The following DPYD variants were observed in gnomAD, a reference collection of about 807,000 sequenced individuals.
The protein encoded by DPYD is dihydropyrimidine dehydrogenase [NADP(+)].
Under a neutral mutation model 116.2 loss-of-function variants are expected in DPYD, and 109 were observed. That is an observed-to-expected ratio of 0.94 (90% CI 0.80 to 1.10). DPYD has a LOEUF of 1.10. DPYD is among the 50% of genes least tolerant of loss of function. The probability of loss-of-function intolerance (pLI) is 0.00; values close to 1 mark genes in which losing one functional copy is unlikely to be tolerated. For synonymous variants in DPYD, 440 were observed against 432.0 expected, an observed-to-expected ratio of 1.02 and a Z score of -0.23; for missense variants, 1,302 against 1,254.5, an observed-to-expected ratio of 1.04 and a Z score of -0.57.
At chr1:97,226,731 A>G (rs1661193683) in intron 19 of DPYD, among the ~76,000 whole-genome samples, 1 of 152,174 alleles carries the variant, frequency 6.6e-6, no homozygotes, top group South Asian at 2.1e-4. Flanking sequence ...AAGAAAGCAC[A>G]AGTAAGTGAT....
chr1:97,244,035 T>C (rs1365533078), intron 18 of DPYD, among the ~76,000 whole-genome samples: 1 of 151,994 alleles, frequency 6.6e-6, no homozygotes, highest in Non-Finnish European at 1.5e-5. Context: ...ACTCAAAAGA[T>C]GGCATGAAGA....
intron 16 of DPYD, among the ~76,000 whole-genome samples, chr1:97,361,690 T>C (rs6691565): frequency 0.34 from 51,392 of 152,016 alleles, 9,091 homozygotes; most frequent in East Asian, 0.55. Context: ...ATAAAGAGAA[T>C]CAATGACAAA....
intron 3 of DPYD, among the ~76,000 whole-genome samples, chr1:97,816,292 AAAAAG>A (rs1328410736): frequency 6.6e-6 from 1 of 152,070 alleles, no homozygotes. Flanking sequence ...AAGAGAAAAA[AAAAAG>A]AAAATACAAA....
At chr1:97,353,727 A>C (rs1670269429) in intron 16 of DPYD, among the ~76,000 whole-genome samples, 1 of 150,638 alleles carries the variant, frequency 6.6e-6, no homozygotes, top group African/African-American at 2.4e-5. Flanking sequence ...CATACAAATC[A>C]TTTTCAGCAA....
intron 13 of DPYD, among the ~76,000 whole-genome samples, chr1:97,472,877 C>A (rs1198743904): frequency 6.6e-6 from 1 of 152,104 alleles, no homozygotes; most frequent in Non-Finnish European, 1.5e-5. Flanking sequence ...TTAAGATATG[C>A]AATGTGATGA....
intron 8 of DPYD, among the ~76,000 whole-genome samples, chr1:97,604,848 A>C (rs1655483954): frequency 6.6e-6 from 1 of 152,064 alleles, no homozygotes; most frequent in African/African-American, 2.4e-5. Context: ...TCATCTAGAA[A>C]TGGAGTTCTG....
intron 14 of DPYD, among the ~76,000 whole-genome samples, chr1:97,429,963 C>T (rs1346737832): frequency 1.3e-5 from 2 of 152,052 alleles, no homozygotes; most frequent in South Asian, 2.1e-4. Context: ...AAACTGAACA[C>T]TAGTTTGCAC....
intron 1 of DPYD, among the ~76,000 whole-genome samples, chr1:97,920,653 C>G (rs75520413): frequency 2.0e-5 from 3 of 152,182 alleles, no homozygotes; most frequent in Non-Finnish European, 4.4e-5. Flanking sequence ...CAGGTCCCGA[C>G]GCAAAGGGCA....
At chr1:97,151,133 G>A (rs761996033) in intron 20 of DPYD, among the ~76,000 whole-genome samples, 1 of 152,084 alleles carries the variant, frequency 6.6e-6, no homozygotes. Context: ...TTACCTTCTC[G>A]TAACATTCTT....
At chr1:97,336,883 G>A (rs990768688) in intron 16 of DPYD, among the ~76,000 whole-genome samples, 2 of 152,106 alleles carry the variant, frequency 1.3e-5, no homozygotes, top group Non-Finnish European at 2.9e-5. Flanking sequence ...TCACAGAGAT[G>A]GGATTGAATG....
chr1:97,642,733 G>C (rs1208069209), intron 8 of DPYD, among the ~76,000 whole-genome samples: 1 of 107,634 alleles, frequency 9.3e-6, no homozygotes, highest in Non-Finnish European at 1.8e-5. Flanking sequence ...GACTGTTGTG[G>C]GGTGGGGGGA....
At chr1:97,693,221 G>A (rs1264527204) in intron 6 of DPYD, among the ~76,000 whole-genome samples, 1 of 148,580 alleles carries the variant, frequency 6.7e-6, no homozygotes, top group Non-Finnish European at 1.5e-5. Context: ...AACCCGGGAG[G>A]TGGAGCTTGC....
chr1:97,351,472 GA>G (rs1032448947), intron 16 of DPYD, among the ~76,000 whole-genome samples: 33 of 151,668 alleles, frequency 2.2e-4, no homozygotes, highest in Non-Finnish European at 2.4e-4. Context: ...GGCAAGAAAA[GA>G]AAAAAATAAA....
rs142157753 is a variant in DPYD at position 97,156,486 on chromosome 1, C to T, written c.2622+36583G>A. The stretch of plus-strand genomic sequence containing the variant: ...TGAACAGACACTTCTCAAAAGAAGA[C>T]ATTTATGCAGCCAAAAAGCACATGA... On this transcript the variant is annotated intron_variant, in intron 20 of 22. Transcript: ENST00000370192. 0.021 allele frequency among the ~76,000 whole-genome samples: 3,132 copies of T among 152,192 alleles called. 217 individuals carry two copies. In the East Asian group the frequency reaches 0.24, roughly 12 times the overall value.
chr1:97,596,461 G>C (rs1654891598), intron 8 of DPYD, among the ~76,000 whole-genome samples: 1 of 152,132 alleles, frequency 6.6e-6, no homozygotes, highest in Admixed American at 6.5e-5. Context: ...AAGTGTAAAT[G>C]AAGAAAATCT....
chr1:97,665,318 G>A (rs74105272), intron 8 of DPYD, among the ~76,000 whole-genome samples: 1,778 of 152,140 alleles, frequency 0.012, 44 homozygotes, highest in African/African-American at 0.041. Flanking sequence ...TTATATTTTA[G>A]TAATTACAAA....
chr1:97,113,132 C>T (rs1486371800), intron 20 of DPYD, among the ~76,000 whole-genome samples: 1 of 152,068 alleles, frequency 6.6e-6, no homozygotes, highest in Non-Finnish European at 1.5e-5. Flanking sequence ...TATGTGTGTG[C>T]CTACTGTGCA....
intron 13 of DPYD, among the ~76,000 whole-genome samples, chr1:97,498,823 T>C (rs1427838904): frequency 6.6e-6 from 1 of 151,674 alleles, no homozygotes; most frequent in Non-Finnish European, 1.5e-5. Flanking sequence ...CATTAGAAAT[T>C]TATTCTTAGT....
chr1:97,669,949 C>T lies in DPYD; in HGVS notation c.850+9146G>A, dbSNP rs1428720769. Among the ~76,000 whole-genome samples the T allele has an allele frequency of 1.6e-4, 25 of 152,096 alleles. 1 individual carries two copies. Among genetic ancestry groups the T allele is most frequent in the Admixed American group, 1.3e-3 (20 of 15,246 alleles). On this transcript the variant is annotated intron_variant, in intron 8 of 22. Coordinates refer to ENST00000370192, the MANE Select transcript of DPYD (RefSeq NM_000110.4). Reference sequence around the variant, plus strand: ...CACCAAACTTTACATAGCAGCGATTCGTAAGATAAGAGCTGTGTGGTTTGT... The same window carrying T: ...CACCAAACTTTACATAGCAGCGATTTGTAAGATAAGAGCTGTGTGGTTTGT...
Sources: gnomAD v4.1 joint callset for allele counts (sites outside exome capture counted in the v4.1 genomes callset) on GRCh38, gnomAD v4.1.1 for gene constraint, MANE v1.5 for transcripts, NCBI Gene and HGNC (gene_info 2026-07-23, HGNC 2026-07-21) for gene names.